The following APLP2 variants were observed in gnomAD, a reference collection of about 807,000 sequenced individuals.
APLP2 encodes CDEI box-binding protein.
A neutral mutation model predicts 89.9 loss-of-function variants in APLP2; 53 were observed. That is an observed-to-expected ratio of 0.59 (90% confidence interval 0.47 to 0.74). The LOEUF (loss-of-function observed/expected upper bound fraction) is 0.74. APLP2 is among the 30% of genes least tolerant of loss of function. APLP2 has a pLI of 0.00. For missense variants in APLP2, 973 were observed against 975.9 expected (o/e 1.00, Z 0.04); for synonymous variants, 372 against 348.6 (o/e 1.07, Z -0.75).
At chr11:130,099,901 T>C (rs890190031) in intron 1 of APLP2, among the ~76,000 whole-genome samples, 1 of 152,210 alleles carries the variant, frequency 6.6e-6, no homozygotes, top group Non-Finnish European at 1.5e-5. Context: ...CGGCAGGCAT[T>C]GTGCTCAGTG....
Position 130,101,811 on chromosome 11 carries a change from A to C in APLP2, c.106-7618A>C, listed in dbSNP as rs139269209. ...GGTTTGCACTGGCACAGCACTGTTA[A>C]CTGACTTACAGACCTTATTCAAATA... is the stretch of plus-strand genomic sequence containing the variant. On this transcript the variant is annotated intron_variant, in intron 1 of 16. Transcript: ENST00000338167. 1,657 of 391,848 alleles carry C rather than the reference A, an allele frequency of 4.2e-3. 9 individuals carry two copies. Among genetic ancestry groups the C allele is most frequent in the Non-Finnish European group, 5.3e-3 (1,049 of 198,964 alleles). The allele number at this position is 391,848 out of a possible 1,614,324, so 24.3% of individuals were successfully genotyped here. A position where few individuals can be genotyped will look rare whatever the true frequency, so the allele number is the denominator to read the frequency against.
At chr11:130,140,561 TC>T (rs1473952234) in intron 14 of APLP2, 78 bp downstream of exon 14, 6 of 1,222,934 alleles carry the variant, frequency 4.9e-6, no homozygotes, top group Non-Finnish European at 6.9e-6. Context: ...GTCAGATGCT[TC>T]CAGGTGCACG....
chr11:130,125,458 T>C (rs998878645), intron 7 of APLP2, among the ~76,000 whole-genome samples: 13 of 152,200 alleles, frequency 8.5e-5, no homozygotes, highest in African/African-American at 2.7e-4. Flanking sequence ...TACCAAGTTA[T>C]CGATTCTAAT....
At chr11:130,100,459 T>A (rs1049243264) in intron 1 of APLP2, 2 of 151,220 alleles carry the variant, frequency 1.3e-5, no homozygotes, top group African/African-American at 2.5e-5. Context: ...GTTTTTTTTT[T>A]ACATGAAAGT....
chr11:130,089,918 A>G (rs1165638472), intron 1 of APLP2, among the ~76,000 whole-genome samples: 1 of 152,112 alleles, frequency 6.6e-6, no homozygotes, highest in Non-Finnish European at 1.5e-5. Flanking sequence ...ACCTCCTCCC[A>G]CTTACATCAG....
In APLP2 at chr11:130,126,826, A is replaced by G. The variant is rs771601239; in HGVS notation, c.1217A>G (p.Asp406Gly). The G allele has an allele frequency of 3.1e-6, 5 of 1,614,094 alleles. No individual in the cohort carries two copies. Among genetic ancestry groups the G allele is most frequent in the African/African-American group, 1.3e-5 (1 of 74,932 alleles). ...QLEIRHRNRM[D>G]RVKKEWEEAE... ...GAGATTCGGCACCGCAACCGAATGG[A>G]CAGGGTAAACCTTGACAATTTCTTC... Residue 406 changes from aspartate to glycine, a missense_variant, in exon 8 of 17, where the codon GAC becomes GGC. Asp to Gly is a moderately conservative substitution (Grantham distance 94). Transcript: ENST00000338167.
intron 1 of APLP2, among the ~76,000 whole-genome samples, chr11:130,079,125 T>C (rs1005894028): frequency 6.6e-6 from 1 of 151,122 alleles, no homozygotes; most frequent in Non-Finnish European, 1.5e-5. Flanking sequence ...TTGAGACAGG[T>C]TGTTGCTCTG....
Position 130,119,974 on chromosome 11 carries a change from T to C in APLP2, c.404-732T>C, listed in dbSNP as rs549195371. Among the ~76,000 whole-genome samples, 11 of 152,370 alleles carry C rather than the reference T, an allele frequency of 7.2e-5. No homozygotes were observed. In the South Asian group the frequency reaches 2.1e-3, roughly 29 times the overall value. On this transcript the variant is annotated intron_variant, in intron 3 of 16. Transcript: ENST00000338167. ...AGTCTTTCTTTAGAAACAAAAACTT[T>C]CATGACAATGATATTTTTTAAGAGT...
intron 13 of APLP2, chr11:130,137,366 C>CTGT: frequency 7.4e-7 from 1 of 1,355,616 alleles, no homozygotes; most frequent in Non-Finnish European, 1.1e-6. Flanking sequence ...GCTTCATGTT[C>CTGT]TGTTTCATGC....
chr11:130,116,067 C>T (rs1282162644), intron 3 of APLP2, among the ~76,000 whole-genome samples: 1 of 151,736 alleles, frequency 6.6e-6, no homozygotes, highest in South Asian at 2.1e-4. Flanking sequence ...ACGTATGCTC[C>T]TCTGTTTAAA....
rs757376095 is a variant in APLP2 at position 130,123,785 on chromosome 11, T to A, written c.1090+6T>A. The A allele has an allele frequency of 6.2e-7, 1 of 1,613,888 alleles. No individual in the cohort carries two copies. Among genetic ancestry groups the A allele is most frequent in the South Asian group, 1.1e-5 (1 of 91,050 alleles). ...GGCTGTGTGTAAAGCGATGAGTAAG[T>A]CCTGCCTCGCGCTGGTCCCGTGCGG... On this transcript the variant is annotated splice_donor_region_variant and intron_variant, in intron 7 of 16. Transcript: ENST00000338167. The surrounding 1 kb of genome is among the most constrained non-coding windows in gnomAD (Gnocchi z 4.0).
At chr11:130,130,624 A>G (rs892914182) in intron 11 of APLP2, among the ~76,000 whole-genome samples, 22 of 152,292 alleles carry the variant, frequency 1.4e-4, no homozygotes, top group Middle Eastern at 3.4e-3. Flanking sequence ...GGTGTTGTTC[A>G]TATATTAACT....
chr11:130,083,113 A>G (rs1943521569), intron 1 of APLP2, among the ~76,000 whole-genome samples: 1 of 138,016 alleles, frequency 7.2e-6, no homozygotes, highest in African/African-American at 2.8e-5. Flanking sequence ...ATAGCTCACT[A>G]GAGCTTCAAC....
At chr11:130,072,234 C>T (rs930374498) in intron 1 of APLP2, among the ~76,000 whole-genome samples, 6 of 152,196 alleles carry the variant, frequency 3.9e-5, no homozygotes, top group Admixed American at 3.9e-4. Context: ...GCTGAAACCC[C>T]GCATACTGTG....
At chr11:130,140,005 G>T (rs1249369768) in intron 13 of APLP2, among the ~76,000 whole-genome samples, 1 of 152,156 alleles carries the variant, frequency 6.6e-6, no homozygotes, top group Non-Finnish European at 1.5e-5. Context: ...TGTGAGGATG[G>T]GTGCTGTGGC....
intron 6 of APLP2, among the ~76,000 whole-genome samples, chr11:130,122,761 C>T (rs540059537): frequency 3.3e-5 from 5 of 152,278 alleles, no homozygotes; most frequent in African/African-American, 7.2e-5. Context: ...AGAGAGACAA[C>T]GTAGTCCGCC....
intron 3 of APLP2, among the ~76,000 whole-genome samples, chr11:130,120,438 A>G (rs373880660): frequency 2.6e-5 from 4 of 152,264 alleles, no homozygotes; most frequent in African/African-American, 9.6e-5. Flanking sequence ...ATTCCCCGTC[A>G]CGTGTTGCTG....
intron 1 of APLP2, among the ~76,000 whole-genome samples, chr11:130,101,051 A>AT (rs1555135813): frequency 1.3e-5 from 2 of 152,168 alleles, no homozygotes; most frequent in Non-Finnish European, 2.9e-5. Context: ...TAAAAAAAAA[A>AT]TGTGGCATTT....
chr11:130,087,934 G>A (rs1015565753), intron 1 of APLP2, among the ~76,000 whole-genome samples: 3 of 152,104 alleles, frequency 2.0e-5, no homozygotes, highest in Admixed American at 2.0e-4. Flanking sequence ...TTAAACAATA[G>A]GAATAGTATT....
Sources: gnomAD v4.1 joint callset for allele counts (sites outside exome capture counted in the v4.1 genomes callset) on GRCh38, gnomAD v4.1.1 for gene constraint, Gnocchi (gnomAD v3.1) non-coding constraint, MANE v1.5 for transcripts, NCBI Gene and HGNC (gene_info 2026-07-23, HGNC 2026-07-21) for gene names.